The following PAX9 variants were observed in gnomAD, a reference collection of about 807,000 sequenced individuals.
PAX9 encodes paired box protein Pax-9.
In PAX9, 6 loss-of-function variants were observed where a neutral mutation model predicts 29.1. The ratio of observed to expected loss-of-function variants is 0.21; its 90% CI spans 0.11 to 0.41. The LOEUF (loss-of-function observed/expected upper bound fraction) is 0.41, where lower values mean the gene tolerates loss of function less well. Ranked by LOEUF, PAX9 falls within the 10% of genes least tolerant of loss-of-function variation. The pLI, the probability that PAX9 is intolerant of heterozygous loss-of-function variation, is 1.00. For synonymous variants in PAX9, 217 were observed against 211.7 expected (o/e 1.03, Z -0.22); for missense variants, 443 against 479.1 (o/e 0.92, Z 0.70).
In PAX9 at chr14:36,678,627, A is replaced by C; in HGVS notation, c.*2175A>C. 7.6e-7 allele frequency: 1 copy of C among 1,309,430 alleles called. No individual in the cohort carries two copies. Among genetic ancestry groups the C allele is most frequent in the Non-Finnish European group, 9.7e-7 (1 of 1,027,922 alleles). 81.1% of individuals were successfully genotyped at this position (1,309,430 alleles called of 1,614,324 possible). Reference sequence around the variant, plus strand: ...AAGGTACAGAACTATTCTTTATCAAATGTTTTTAGGTGGCTGTTAGGGGGC... The same window carrying C: ...AAGGTACAGAACTATTCTTTATCAACTGTTTTTAGGTGGCTGTTAGGGGGC... On this transcript the variant is annotated 3_prime_UTR_variant, in exon 4 of 4. Coordinates refer to ENST00000361487, the MANE Select transcript of PAX9 (RefSeq NM_001372076.1).
In PAX9 at chr14:36,661,882, A is replaced by T; in HGVS notation, c.-208A>T. On this transcript the variant is annotated 5_prime_UTR_variant, in exon 1 of 4. Coordinates refer to ENST00000361487, the MANE Select transcript of PAX9 (RefSeq NM_001372076.1). ...CTCAGCCCAGCCCACGTTGCTGCTTAGATTGAAATGCAGAACTCAAGCCTC... is the reference window on the plus strand; with the variant it reads ...CTCAGCCCAGCCCACGTTGCTGCTTTGATTGAAATGCAGAACTCAAGCCTC... 1 of 658,282 alleles carries T rather than the reference A, an allele frequency of 1.5e-6. No homozygotes were observed. The allele number at this position is 658,282 out of a possible 1,614,324, so 40.8% of individuals were successfully genotyped here. A position where few individuals can be genotyped will look rare whatever the true frequency, so the allele number is the denominator to read the frequency against.
chr14:36,660,630 G>A (rs1483431470), upstream of PAX9, among the ~76,000 whole-genome samples: 1 of 152,148 alleles, frequency 6.6e-6, no homozygotes, highest in East Asian at 1.9e-4. Context: ...CATCCCTGGG[G>A]ACTGTTGGGG....
In PAX9 at chr14:36,662,913, G is replaced by A; in HGVS notation, c.21G>A (p.Glu7=). The A allele has an allele frequency of 1.2e-6, 2 of 1,612,046 alleles. No homozygotes were observed. Among genetic ancestry groups the A allele is most frequent in the South Asian group, 1.1e-5 (1 of 91,034 alleles). ...ATTTTGCAGAGCCAGCCTTCGGGGAGGTGAACCAGCTGGGAGGAGTGTTCG... is the reference window on the plus strand; with the variant it reads ...ATTTTGCAGAGCCAGCCTTCGGGGAAGTGAACCAGCTGGGAGGAGTGTTCG... The part of the protein sequence containing the change: MEPAFG[E]VNQLGGVFVN... The change falls in exon 2 of 4, where the codon GAG becomes GAA. Residue 7 remains glutamate, a synonymous_variant. Coordinates refer to ENST00000361487, the MANE Select transcript of PAX9 (RefSeq NM_001372076.1).
At chr14:36,664,288 T>C (rs1161657868) in intron 2 of PAX9, among the ~76,000 whole-genome samples, 1 of 152,222 alleles carries the variant, frequency 6.6e-6, no homozygotes, top group Non-Finnish European at 1.5e-5. Context: ...GGAGATAAAA[T>C]GCAGGCAATT....
intron 3 of PAX9, among the ~76,000 whole-genome samples, chr14:36,672,753 T>C (rs1208560056): frequency 6.6e-6 from 1 of 151,098 alleles, no homozygotes; most frequent in East Asian, 1.9e-4. Context: ...AAGGGCTATT[T>C]TTATACTGTT....
At chr14:36,662,505 A>T (rs1881314093) in intron 1 of PAX9, 4 of 383,502 alleles carry the variant, frequency 1.0e-5, no homozygotes. Flanking sequence ...GGTCTCCAGA[A>T]GGAACGCTGG....
rs1881882609 is a variant in PAX9 at position 36,676,235 on chromosome 14, C to G, written c.809C>G (p.Ser270Ter). Residue 270 changes from serine to a stop codon, truncating the protein, a stop_gained, in exon 4 of 4, where the codon TCA becomes TGA. Coordinates refer to ENST00000361487, the MANE Select transcript of PAX9 (RefSeq NM_001372076.1). LOFTEE classifies it high-confidence loss of function. ...CTCCCAGCTGTGGGCAGTTTTGTGT[C>G]AGCATCCAGCATGGCTCCTTACCCT... Reference protein sequence around the residue: ...NGLPAVGSFVSASSMAPYPTP... With the variant: ...NGLPAVGSFV The G allele has an allele frequency of 6.2e-7, 1 of 1,614,052 alleles. No individual in the cohort carries two copies. The highest frequency in any genetic ancestry group is 1.3e-5 in the African/African-American group (1 of 74,912).
chr14:36,659,406 G>C (rs1431206634), upstream of PAX9, among the ~76,000 whole-genome samples: 2 of 152,180 alleles, frequency 1.3e-5, no homozygotes, highest in Non-Finnish European at 2.9e-5. Context: ...TCCGCGCCCC[G>C]GGAAGGCTTC....
At chr14:36,670,322 T>C (rs1446662943) in intron 3 of PAX9, among the ~76,000 whole-genome samples, 5 of 152,028 alleles carry the variant, frequency 3.3e-5, no homozygotes, top group Non-Finnish European at 5.9e-5. Context: ...TAGAGAATAG[T>C]CTATAAATAC....
intron 3 of PAX9, among the ~76,000 whole-genome samples, chr14:36,670,692 G>C (rs779558137): frequency 3.3e-5 from 5 of 151,974 alleles, no homozygotes; most frequent in Non-Finnish European, 7.4e-5. Flanking sequence ...ATTTTAACCA[G>C]TAGTATTTCA....
At chr14:36,662,864 C>T (rs369777392) in intron 1 of PAX9, 33 bp from the exon 2 acceptor site, 3 of 1,588,042 alleles carry the variant, frequency 1.9e-6, no homozygotes, top group East Asian at 2.2e-5. Context: ...GCAGCGGGTG[C>T]GCGTCCCTGC....
At position 36,662,093 on chromosome 14, in the gene PAX9, G is replaced by A; in HGVS notation, c.4G>A (p.Glu2Lys). Residue 2 changes from glutamate (E) to lysine (K), a missense_variant and splice_region_variant, in exon 1 of 4, where the codon GAG (glutamate) becomes AAG (lysine). This residue lies in a region of PAX9 where 107 missense variants were observed against 161.9 expected (regional missense o/e 0.66). Coordinates refer to ENST00000361487, the MANE Select transcript of PAX9 (RefSeq NM_001372076.1). The stretch of plus-strand genomic sequence containing the variant: ...GGTTGGTGTACTGCTCGGAGCAATG[G>A]GTGAGTGGCGGCGGGGGACTCTGTC... Reference protein sequence around the residue: MEPAFGEVNQLG... With the variant: MKPAFGEVNQLG... 1 of 1,549,862 alleles carries A rather than the reference G, an allele frequency of 6.5e-7. No individual in the cohort carries two copies. The highest frequency in any genetic ancestry group is 8.7e-7 in the Non-Finnish European group (1 of 1,147,254).
chr14:36,663,546 T>C, intron 2 of PAX9, 23 bp downstream of exon 2: 1 of 1,612,386 alleles, frequency 6.2e-7, no homozygotes, highest in African/African-American at 1.3e-5. Flanking sequence ...AGGCTGGGCG[T>C]GTGGATGTGC....
chr14:36,669,424 G>T (rs1485052568), intron 3 of PAX9, among the ~76,000 whole-genome samples: 1 of 135,930 alleles, frequency 7.4e-6, no homozygotes, highest in African/African-American at 2.5e-5. Flanking sequence ...ACAATAACTT[G>T]AATGTCTTTG....
At chr14:36,664,923 A>G (rs1307706332) in intron 2 of PAX9, among the ~76,000 whole-genome samples, 3 of 152,120 alleles carry the variant, frequency 2.0e-5, no homozygotes, top group Non-Finnish European at 4.4e-5. Flanking sequence ...CCCTTGATTT[A>G]TAGGATAAAC....
chr14:36,667,037 C>T (rs1881530706), intron 3 of PAX9, among the ~76,000 whole-genome samples: 1 of 152,196 alleles, frequency 6.6e-6, no homozygotes, highest in African/African-American at 2.4e-5. Flanking sequence ...GCCCGCGAAA[C>T]GCGCGCCCCG....
chr14:36,676,784 T>C lies in PAX9; in HGVS notation c.*332T>C, dbSNP rs1881910905. 1 of 357,514 alleles carries C rather than the reference T, an allele frequency of 2.8e-6. No individual in the cohort carries two copies. The highest frequency in any genetic ancestry group is 2.8e-5 in the South Asian group (1 of 36,076). The allele number at this position is 357,514 out of a possible 1,614,324, so 22.1% of individuals were successfully genotyped here. On this transcript the variant is annotated 3_prime_UTR_variant, in exon 4 of 4. Transcript: ENST00000361487. Reference sequence around the variant, plus strand: ...TTAAGGAACTTTACAAACTAGTCTTTGGTAAAACCACATGTGTATATTTAT... The same window carrying C: ...TTAAGGAACTTTACAAACTAGTCTTCGGTAAAACCACATGTGTATATTTAT...
chr14:36,663,279 C>A lies in PAX9; in HGVS notation c.387C>A (p.Asn129Lys), dbSNP rs769798510. The part of the protein sequence containing the change: ...SVSSISRILR[N>K]KIGNLAQQGH... ...GCTCCATCAGCCGCATTCTGCGCAA[C>A]AAGATCGGCAACTTGGCCCAGCAGG... The change falls in exon 2 of 4, where the codon AAC (asparagine) becomes AAA (lysine). Residue 129 changes from asparagine (N) to lysine (K), a missense_variant. By Grantham distance (94) the Asn-to-Lys change is moderately conservative. Around this residue, in one of 2 missense-constraint regions of PAX9, gnomAD observed 336 missense variants for 317.2 expected, o/e 1.06. Coordinates refer to ENST00000361487, the MANE Select transcript of PAX9 (RefSeq NM_001372076.1). The A allele has an allele frequency of 6.2e-7, 1 of 1,614,218 alleles. No homozygotes were observed. Among genetic ancestry groups the A allele is most frequent in the South Asian group, 1.1e-5 (1 of 91,092 alleles).
At position 36,678,601 on chromosome 14, in the gene PAX9, T is replaced by A. The variant is rs1371631693; in HGVS notation, c.*2149T>A. 6.6e-7 allele frequency: 1 copy of A among 1,504,740 alleles called. No individual in the cohort carries two copies. Among genetic ancestry groups the A allele is most frequent in the African/African-American group, 1.4e-5 (1 of 71,872 alleles). 93.2% of individuals were successfully genotyped at this position (1,504,740 alleles called of 1,614,324 possible). ...TCTCCTGTCATCTGAAAAACTGATG[T>A]AAGGTACAGAACTATTCTTTATCAA... On this transcript the variant is annotated 3_prime_UTR_variant, in exon 4 of 4. Coordinates refer to ENST00000361487, the MANE Select transcript of PAX9 (RefSeq NM_001372076.1).
Sources: gnomAD v4.1 joint callset for allele counts (sites outside exome capture counted in the v4.1 genomes callset) on GRCh38, gnomAD v4.1.1 for gene constraint, gnomAD v4.1.1 regional missense constraint, MANE v1.5 for transcripts, NCBI Gene and HGNC (gene_info 2026-07-23, HGNC 2026-07-21) for gene names.